CDK5RAP3: variants seen among roughly 807,000 people sequenced by gnomAD.
CDK5RAP3 encodes the protein CDK5 regulatory subunit-associated protein 3.
In CDK5RAP3, 58 loss-of-function variants were observed where a neutral mutation model predicts 73.3. The observed-to-expected ratio is 0.79, with a 90% CI of 0.64 to 0.98. The LOEUF is 0.98. CDK5RAP3 is among the 50% of genes least tolerant of loss of function. CDK5RAP3 has a pLI of 0.00. For synonymous variants in CDK5RAP3, 224 were observed against 247.5 expected, an observed-to-expected ratio of 0.91 and a Z score of 0.89; for missense variants, 525 against 615.8, an observed-to-expected ratio of 0.85 and a Z score of 1.56.
intron 4 of CDK5RAP3, 163 bp from the exon 5 acceptor site, chr17:47,974,237 C>T: frequency 1.3e-6 from 1 of 762,932 alleles, no homozygotes; most frequent in East Asian, 2.5e-5. Flanking sequence ...ATTGCCTGCA[C>T]TCTTAAAGTG....
At position 47,981,652 on chromosome 17, in the gene CDK5RAP3, T is replaced by C; in HGVS notation, c.*150T>C. The C allele has an allele frequency of 6.5e-7, 1 of 1,547,846 alleles. No homozygotes were observed. Among genetic ancestry groups the C allele is most frequent in the Non-Finnish European group, 8.7e-7 (1 of 1,150,962 alleles). On this transcript the variant is annotated 3_prime_UTR_variant, in exon 14 of 14. Coordinates refer to ENST00000338399, the MANE Select transcript of CDK5RAP3 (RefSeq NM_176096.3). ...AGGAAGCGGCACCTGATGGTGATCT[T>C]GGCACTCTCCATGTTCTCTACAAGA...
At chr17:47,978,073 T>TTTG in intron 10 of CDK5RAP3, 163 bp downstream of exon 10, 1 of 527,772 alleles carries the variant, frequency 1.9e-6, no homozygotes, top group East Asian at 3.3e-5. Context: ...AGAGAGGTTT[T>TTTG]TTTTTTTTTT....
At chr17:47,971,639 T>C (rs2036271149) in intron 2 of CDK5RAP3, among the ~76,000 whole-genome samples, 1 of 152,180 alleles carries the variant, frequency 6.6e-6, no homozygotes, top group African/African-American at 2.4e-5. Context: ...TATGTTATCG[T>C]ATCATTCAGG....
At chr17:47,969,417 C>T (rs1244563925), upstream of CDK5RAP3, among the ~76,000 whole-genome samples, 3 of 151,728 alleles carry the variant, frequency 2.0e-5, no homozygotes, top group Admixed American at 6.6e-5. Flanking sequence ...ATTAGCCGGG[C>T]GTGGTGGCGG....
At position 47,980,947 on chromosome 17, in the gene CDK5RAP3, G is replaced by C. The variant is rs543298884; in HGVS notation, c.1283+149G>C. On this transcript the variant is annotated intron_variant, in intron 12 of 13. Coordinates refer to ENST00000338399, the MANE Select transcript of CDK5RAP3 (RefSeq NM_176096.3). ...GATAGGGGTTCTCTTTGGGACAAGA[G>C]GGGGAGGTTTCACATATACAGGAAG... 192 of 915,424 alleles carry C rather than the reference G, an allele frequency of 2.1e-4. No homozygotes were observed. The African/African-American group carries it at 2.4e-3, about 11-fold the overall frequency. The allele number at this position is 915,424 out of a possible 1,614,324, so 56.7% of individuals were successfully genotyped here. A position where few individuals can be genotyped will look rare whatever the true frequency, so the allele number is the denominator to read the frequency against.
upstream of CDK5RAP3, chr17:47,970,879 C>T (rs1043580430): frequency 7.6e-5 from 108 of 1,426,494 alleles, no homozygotes; most frequent in Admixed American, 9.4e-5. Flanking sequence ...AGCGCACCCC[C>T]TCCCGTCCCC....
intron 11 of CDK5RAP3, chr17:47,979,947 T>G (rs2036513844): frequency 6.6e-6 from 1 of 152,616 alleles, no homozygotes; most frequent in Admixed American, 6.5e-5. Flanking sequence ...CCAGTGCTTC[T>G]CAAACATGTA....
At chr17:47,972,762 T>G (rs905076481) in intron 2 of CDK5RAP3, among the ~76,000 whole-genome samples, 1 of 152,214 alleles carries the variant, frequency 6.6e-6, no homozygotes, top group African/African-American at 2.4e-5. Flanking sequence ...TCAGGCACAC[T>G]GTTCAGTGTT....
upstream of CDK5RAP3, chr17:47,970,680 T>G (rs1204853636): frequency 6.5e-7 from 1 of 1,535,732 alleles, no homozygotes; most frequent in African/African-American, 1.4e-5. Context: ...ACAAGAGACC[T>G]GCACACTGCT....
chr17:47,971,642 C>T (rs2144210139), intron 2 of CDK5RAP3, among the ~76,000 whole-genome samples: 1 of 152,262 alleles, frequency 6.6e-6, no homozygotes, highest in East Asian at 1.9e-4. Flanking sequence ...GTTATCGTAT[C>T]ATTCAGGGAC....
intron 11 of CDK5RAP3, 186 bp downstream of exon 11, chr17:47,979,103 C>T (rs1004242595): frequency 1.2e-5 from 7 of 586,060 alleles, no homozygotes; most frequent in South Asian, 2.1e-5. Flanking sequence ...ACCTCCTAGG[C>T]ACCTGGCACT....
chr17:47,976,250 C>T (rs887851317), intron 8 of CDK5RAP3, among the ~76,000 whole-genome samples: 1 of 152,206 alleles, frequency 6.6e-6, no homozygotes, highest in African/African-American at 2.4e-5. Context: ...ATCATGTGAG[C>T]TCTCTGAAGA....
In CDK5RAP3 at chr17:47,971,350, G is replaced by C. The variant is rs1018338766; in HGVS notation, c.7-12G>C. On this transcript the variant is annotated splice_polypyrimidine_tract_variant and intron_variant, in intron 1 of 13. Transcript: ENST00000338399. ...GCGCTCACGCCCCCCTCCTCACCGT[G>C]TTTCCCGCCAGGACCATCAGCACGT... The C allele has an allele frequency of 1.9e-6, 3 of 1,609,564 alleles. No individual in the cohort carries two copies. Among genetic ancestry groups the C allele is most frequent in the African/African-American group, 1.3e-5 (1 of 74,862 alleles).
chr17:47,970,791 A>G (rs2525084), upstream of CDK5RAP3: 1,064,706 of 1,470,948 alleles, frequency 0.72, 386,740 homozygotes, highest in East Asian at 0.78. Flanking sequence ...TGCGTGGAGA[A>G]GACCCAGTGC....
intron 1 of CDK5RAP3, 34 bp from the exon 2 acceptor site, chr17:47,971,328 C>T (rs1270848611): frequency 1.0e-5 from 16 of 1,602,686 alleles, no homozygotes; most frequent in Non-Finnish European, 1.4e-5. Context: ...TCTCTCCGCG[C>T]TCACGCCCCC....
intron 2 of CDK5RAP3, among the ~76,000 whole-genome samples, chr17:47,972,746 C>G (rs527937128): frequency 6.6e-6 from 1 of 152,040 alleles, no homozygotes; most frequent in Non-Finnish European, 1.5e-5. Context: ...GAGTCCTTGC[C>G]GTGTCTCAGG....
chr17:47,981,005 C>A, intron 12 of CDK5RAP3, 158 bp from the exon 13 acceptor site: 1 of 892,340 alleles, frequency 1.1e-6, no homozygotes, highest in Non-Finnish European at 1.7e-6. Context: ...GACAGGGGAA[C>A]TGGGAGTGGG....
Position 47,975,999 on chromosome 17 carries a change from G to A in CDK5RAP3, c.784G>A (p.Val262Met). The A allele has an allele frequency of 1.2e-6, 2 of 1,614,050 alleles. No homozygotes were observed. The highest frequency in any genetic ancestry group is 1.7e-6 in the Non-Finnish European group (2 of 1,180,028). The change falls in exon 8 of 14, where the codon GTG becomes ATG. Residue 262 changes from valine to methionine, a missense_variant. Physicochemically the swap from Val to Met is conservative, Grantham distance 21 (BLOSUM62 1). Coordinates refer to ENST00000338399, the MANE Select transcript of CDK5RAP3 (RefSeq NM_176096.3). ...CCACCTCGAGGAGCTTCCTGAGCAG[G>A]TGGCAGAAGATGCGGTAAGATGGGC... Reference protein sequence around the residue: ...RPHLEELPEQVAEDAIDWGDF... With the variant: ...RPHLEELPEQMAEDAIDWGDF...
chr17:47,981,663 A>G lies in CDK5RAP3; in HGVS notation c.*161A>G, dbSNP rs1394501775. 5.2e-6 allele frequency: 8 copies of G among 1,541,060 alleles called. No homozygotes were observed. The highest frequency in any genetic ancestry group is 1.4e-5 in the African/African-American group (1 of 73,274). ...CCTGATGGTGATCTTGGCACTCTCC[A>G]TGTTCTCTACAAGAAGCTGTGGTGA... On this transcript the variant is annotated 3_prime_UTR_variant, in exon 14 of 14. Coordinates refer to ENST00000338399, the MANE Select transcript of CDK5RAP3 (RefSeq NM_176096.3).
Sources: gnomAD v4.1 joint callset for allele counts (sites outside exome capture counted in the v4.1 genomes callset) on GRCh38, gnomAD v4.1.1 for gene constraint, MANE v1.5 for transcripts, NCBI Gene and HGNC (gene_info 2026-07-23, HGNC 2026-07-21) for gene names.